Variants in PCCA observed in about 807,000 individuals in gnomAD.
PCCA encodes the protein propionyl-CoA carboxylase subunit alpha.
Under a neutral mutation model 101.3 loss-of-function variants are expected in PCCA, and 74 were observed. The ratio of observed to expected loss-of-function variants is 0.73; its 90% CI spans 0.61 to 0.89. PCCA has a LOEUF of 0.89. Ranked by LOEUF, PCCA falls within the 40% of genes least tolerant of loss-of-function variation. The pLI, the probability that PCCA is intolerant of heterozygous loss-of-function variation, is 0.00. For synonymous variants in PCCA, 294 were observed against 313.6 expected (o/e 0.94, Z 0.66); for missense variants, 891 against 907.0 (o/e 0.98, Z 0.23).
Position 100,387,407 on chromosome 13 carries a change from C to CA in PCCA, c.1746+18837dup, listed in dbSNP as rs568708881. On this transcript the variant is annotated intron_variant, in intron 19 of 23. Transcript: ENST00000376285. ...AAGGCAGTGTAAAGGTAGTTCACTC[C>CA]AAAAGTTTTGCTTAGGGTTCCAGAG... Among the ~76,000 whole-genome samples the CA allele has an allele frequency of 2.0e-5, 3 of 152,246 alleles. No individual in the cohort carries two copies. In the South Asian group the frequency reaches 6.2e-4, roughly 32 times the overall value.
chr13:100,283,847 G>A (rs2064340310), intron 12 of PCCA, among the ~76,000 whole-genome samples: 1 of 152,194 alleles, frequency 6.6e-6, no homozygotes, highest in Non-Finnish European at 1.5e-5. Flanking sequence ...TAAAAAGATT[G>A]TCCAATGAGA....
intron 20 of PCCA, among the ~76,000 whole-genome samples, chr13:100,432,769 T>C (rs971435323): frequency 2.0e-5 from 3 of 152,154 alleles, no homozygotes; most frequent in African/African-American, 4.8e-5. Flanking sequence ...GTGCAAGCAG[T>C]GTAGAGAAAA....
chr13:100,103,055 TTGTTAAGGC>T, intron 2 of PCCA, 95 bp downstream of exon 2: 1 of 803,524 alleles, frequency 1.2e-6, no homozygotes, highest in Non-Finnish European at 2.1e-6. Flanking sequence ...AGATGAGATT[TTGTTAAGGC>T]TGTGTGGTCA....
chr13:100,526,750 G>A (rs529274038), intron 22 of PCCA, among the ~76,000 whole-genome samples: 35 of 152,274 alleles, frequency 2.3e-4, no homozygotes. Flanking sequence ...GGGGCAGAGC[G>A]AAGTGAGTGC....
chr13:100,522,110 C>A (rs982975664), intron 22 of PCCA, among the ~76,000 whole-genome samples: 1 of 152,212 alleles, frequency 6.6e-6, no homozygotes, highest in African/African-American at 2.4e-5. Context: ...CGAAATCATT[C>A]GGAAGTGCTT....
intron 18 of PCCA, among the ~76,000 whole-genome samples, chr13:100,347,742 T>C (rs529323489): frequency 1.3e-5 from 2 of 152,350 alleles, no homozygotes; most frequent in East Asian, 3.9e-4. Flanking sequence ...TATGTATTTA[T>C]GAAATATGTA....
At chr13:100,155,770 C>T (rs2053821176) in intron 5 of PCCA, among the ~76,000 whole-genome samples, 1 of 152,152 alleles carries the variant, frequency 6.6e-6, no homozygotes, top group African/African-American at 2.4e-5. Flanking sequence ...AAACATCCAA[C>T]ACCAGCAATT....
At position 100,290,795 on chromosome 13, in the gene PCCA, G is replaced by C. The variant is rs988472834; in HGVS notation, c.1066-10665G>C. On this transcript the variant is annotated intron_variant, in intron 12 of 23. Transcript: ENST00000376285. ...ATTTTATATTTATGCTGTGTCTCTT[G>C]ACATTATTTCTTTATTGATCTTCCA... 2.0e-5 allele frequency among the ~76,000 whole-genome samples: 3 copies of C among 152,090 alleles called. No individual in the cohort carries two copies. The South Asian group carries it at 6.2e-4, about 31-fold the overall frequency.
intron 20 of PCCA, among the ~76,000 whole-genome samples, chr13:100,434,235 C>T (rs187796997): frequency 5.9e-5 from 9 of 152,074 alleles, no homozygotes; most frequent in Non-Finnish European, 1.3e-4. Context: ...GTTGTCTTTG[C>T]GGGAGAGGAA....
intron 7 of PCCA, among the ~76,000 whole-genome samples, chr13:100,210,652 G>T (rs981094215): frequency 6.6e-6 from 1 of 152,336 alleles, no homozygotes; most frequent in African/African-American, 2.4e-5. Context: ...TTTCCCATGA[G>T]AAATTATTCT....
At chr13:100,148,806 G>A (rs2052921680) in intron 4 of PCCA, among the ~76,000 whole-genome samples, 1 of 152,096 alleles carries the variant, frequency 6.6e-6, no homozygotes, top group East Asian at 1.9e-4. Context: ...AATGGGCTGG[G>A]AATTTTGCAA....
intron 6 of PCCA, among the ~76,000 whole-genome samples, chr13:100,169,177 C>T (rs1236867066): frequency 6.6e-6 from 1 of 152,042 alleles, no homozygotes; most frequent in Non-Finnish European, 1.5e-5. Context: ...CGCAGTGGCT[C>T]ACGCTTGTAA....
intron 21 of PCCA, among the ~76,000 whole-genome samples, chr13:100,452,833 A>T (rs933143890): frequency 8.5e-5 from 13 of 152,112 alleles, no homozygotes; most frequent in Non-Finnish European, 1.6e-4. Context: ...GGAGGTATTC[A>T]GTCAGGGTTG....
intron 21 of PCCA, among the ~76,000 whole-genome samples, chr13:100,474,440 T>TTCTCTCTCTCTCTC (rs58811683): frequency 2.6e-4 from 37 of 144,392 alleles, no homozygotes; most frequent in African/African-American, 9.7e-4. Context: ...TATTTACTGT[T>TTCTCTCTCTCTCTC]TCTCTCTCTC....
chr13:100,203,870 A>G (rs2058690871), intron 6 of PCCA, among the ~76,000 whole-genome samples: 1 of 152,214 alleles, frequency 6.6e-6, no homozygotes, highest in Non-Finnish European at 1.5e-5. Context: ...GAGGTCTTGA[A>G]AAGAATGAAT....
At chr13:100,330,476 C>A in intron 16 of PCCA, 85 bp from the exon 17 acceptor site, 1 of 804,406 alleles carries the variant, frequency 1.2e-6, no homozygotes, top group Non-Finnish European at 2.2e-6. Flanking sequence ...GGTCATAGAA[C>A]AGTGATGATA....
intron 6 of PCCA, among the ~76,000 whole-genome samples, chr13:100,192,025 T>C (rs1192928793): frequency 6.6e-6 from 1 of 152,208 alleles, no homozygotes; most frequent in South Asian, 2.1e-4. Flanking sequence ...GTAAGAGTAC[T>C]TAATGTGAAT....
intron 19 of PCCA, among the ~76,000 whole-genome samples, chr13:100,416,194 T>G (rs188206930): frequency 7.2e-5 from 11 of 152,174 alleles, no homozygotes; most frequent in Admixed American, 6.5e-5. Context: ...ATCATGGTTT[T>G]TTTTTTTTTT....
Position 100,472,158 on chromosome 13 carries a change from G to A in PCCA, c.1899+22853G>A, listed in dbSNP as rs567381888. ...TGGCGGCTCCACCCGTCCTTCCAAT[G>A]CAGACGTGGGCCCTTAGTCTGAGCC... On this transcript the variant is annotated intron_variant, in intron 21 of 23. Transcript: ENST00000376285. Among the ~76,000 whole-genome samples, 187 of 152,282 alleles carry A rather than the reference G, an allele frequency of 1.2e-3. 1 individual carries two copies. Among genetic ancestry groups the A allele is most frequent in the African/African-American group, 4.4e-3 (181 of 41,556 alleles).
Sources: gnomAD v4.1 joint callset for allele counts (sites outside exome capture counted in the v4.1 genomes callset) on GRCh38, gnomAD v4.1.1 for gene constraint, MANE v1.5 for transcripts, NCBI Gene and HGNC (gene_info 2026-07-23, HGNC 2026-07-21) for gene names.